Variants in TBC1D13 observed in about 807,000 individuals in gnomAD.
The protein encoded by TBC1D13 is TBC1 domain family member 13, also known as epididymis secretory sperm binding protein.
A neutral mutation model predicts 53.6 loss-of-function variants in TBC1D13; 40 were observed. The ratio of observed to expected loss-of-function variants is 0.75; its 90% CI spans 0.58 to 0.97. TBC1D13 has a LOEUF of 0.97. TBC1D13 is among the 50% of genes least tolerant of loss of function. The pLI is 0.00. For synonymous variants in TBC1D13, 182 were observed against 197.7 expected, an observed-to-expected ratio of 0.92 and a Z score of 0.67; for missense variants, 377 against 499.4, an observed-to-expected ratio of 0.75 and a Z score of 2.34.
At position 128,791,605 on chromosome 9, in the gene TBC1D13, C is replaced by T. The variant is rs1203438151; in HGVS notation, c.212C>T (p.Ala71Val). Residue 71 changes from alanine to valine, a missense_variant, in exon 5 of 12, where the codon GCC becomes GTC. Physicochemically the swap from Ala to Val is moderately conservative, Grantham distance 64. Transcript: ENST00000372648. ...CTTGTCTCCTGCAGGGAGCTGTATG[C>T]CCAGTTCCTGAGGGAAATGATCATC... ...SILAKQRELY[A>V]QFLREMIIQP... The T allele has an allele frequency of 1.2e-6, 2 of 1,614,122 alleles. No individual in the cohort carries two copies. Among genetic ancestry groups the T allele is most frequent in the East Asian group, 2.2e-5 (1 of 44,878 alleles).
At chr9:128,794,755 A>C (rs1303535978) in intron 6 of TBC1D13, among the ~76,000 whole-genome samples, 1 of 151,658 alleles carries the variant, frequency 6.6e-6, no homozygotes, top group African/African-American at 2.4e-5. Flanking sequence ...CATTACAGGC[A>C]TGAGACACCA....
At chr9:128,793,927 G>T (rs1459791123) in intron 6 of TBC1D13, among the ~76,000 whole-genome samples, 1 of 152,238 alleles carries the variant, frequency 6.6e-6, no homozygotes, top group Non-Finnish European at 1.5e-5. Context: ...AACAGTCTCT[G>T]CCTTCTGAGA....
chr9:128,795,273 C>T (rs1207263511), intron 6 of TBC1D13, among the ~76,000 whole-genome samples: 1 of 148,414 alleles, frequency 6.7e-6, no homozygotes, highest in Non-Finnish European at 1.5e-5. Flanking sequence ...GGCTGGAGTG[C>T]ACTGGCGCAA....
At chr9:128,806,197 C>T in intron 10 of TBC1D13, 57 bp from the exon 11 acceptor site, 1 of 1,611,610 alleles carries the variant, frequency 6.2e-7, no homozygotes, top group Non-Finnish European at 8.5e-7. Context: ...GAGGAGTGGG[C>T]AGGGCCTGCA....
Position 128,806,018 on chromosome 9 carries a change from A to T in TBC1D13, c.1078A>T (p.Met360Leu). Residue 360 changes from methionine to leucine, a missense_variant and splice_region_variant, in exon 10 of 12, where the codon ATG (methionine) becomes TTG (leucine). By Grantham distance (15) the Met-to-Leu change is conservative (BLOSUM62 2). Transcript: ENST00000372648. ...FLLLVCCAML[M>L]LIREQLLEGD... is the part of the protein sequence containing the mutation. Reference sequence around the variant, plus strand: ...CCTCCTCGTCTGCTGCGCCATGCTCATGTGAGTGCGGGCATGAGCTGTCAT... The same window carrying T: ...CCTCCTCGTCTGCTGCGCCATGCTCTTGTGAGTGCGGGCATGAGCTGTCAT... 6.2e-7 allele frequency: 1 copy of T among 1,613,800 alleles called. No individual in the cohort carries two copies. The highest frequency in any genetic ancestry group is 8.5e-7 in the Non-Finnish European group (1 of 1,179,878).
intron 7 of TBC1D13, among the ~76,000 whole-genome samples, chr9:128,799,052 G>A (rs1366443135): frequency 1.3e-5 from 2 of 152,216 alleles, no homozygotes; most frequent in African/African-American, 2.4e-5. Flanking sequence ...GGCAGGGGCA[G>A]ATATGGCCGA....
intron 6 of TBC1D13, among the ~76,000 whole-genome samples, chr9:128,793,978 A>G (rs1410415174): frequency 1.3e-5 from 2 of 152,236 alleles, no homozygotes; most frequent in Non-Finnish European, 2.9e-5. Flanking sequence ...AAACCTGGAA[A>G]CAGATATGTA....
At chr9:128,804,222 G>T in intron 9 of TBC1D13, 103 bp downstream of exon 9, 1 of 1,363,528 alleles carries the variant, frequency 7.3e-7, no homozygotes, top group East Asian at 2.4e-5. Flanking sequence ...GGGGTCAGAA[G>T]TAGCTGCTGC....
At position 128,805,840 on chromosome 9, in the gene TBC1D13, C is replaced by T. The variant is rs1410169148; in HGVS notation, c.919-19C>T. The T allele has an allele frequency of 2.5e-6, 4 of 1,610,564 alleles. No homozygotes were observed. The highest frequency in any genetic ancestry group is 3.4e-6 in the Non-Finnish European group (4 of 1,178,790). ...CCAACACAGAGTCATGCCCCCCACC[C>T]CCCACGCTGTCTCCCCAGCAAGAGC... On this transcript the variant is annotated intron_variant, in intron 9 of 11. Transcript: ENST00000372648.
At chr9:128,798,133 A>C (rs1445650046) in intron 7 of TBC1D13, among the ~76,000 whole-genome samples, 1 of 152,028 alleles carries the variant, frequency 6.6e-6, no homozygotes, top group Non-Finnish European at 1.5e-5. Context: ...GGTGCCTGTA[A>C]TCCCAGCTAC....
At position 128,788,351 on chromosome 9, in the gene TBC1D13, A is replaced by G. The variant is rs749820984; in HGVS notation, c.41A>G (p.Asp14Gly). The G allele has an allele frequency of 8.1e-6, 13 of 1,614,028 alleles. No individual in the cohort carries two copies. The African/African-American group carries it at 1.6e-4, about 20-fold the overall frequency. ...LHKSRIADFQDVLKEPSIALE... is the reference protein window; with the variant it reads ...LHKSRIADFQGVLKEPSIALE... Reference sequence around the variant, plus strand: ...CCTTCCAGAATTGCAGATTTCCAGGATGTCCTGAAGGAGCCCTCAATTGCA... The same window carrying G: ...CCTTCCAGAATTGCAGATTTCCAGGGTGTCCTGAAGGAGCCCTCAATTGCA... The change falls in exon 2 of 12, where the codon GAT (aspartate) becomes GGT (glycine). Residue 14 changes from aspartate (D) to glycine (G), a missense_variant. Transcript: ENST00000372648.
rs1829553331 is a variant in TBC1D13, at chr9:128,792,534, A to T, written c.343A>T (p.Lys115Ter). 6.2e-7 allele frequency: 1 copy of T among 1,614,016 alleles called. No homozygotes were observed. Among genetic ancestry groups the T allele is most frequent in the Admixed American group, 1.7e-5 (1 of 60,000 alleles). The change falls in exon 6 of 12, where the codon AAG becomes TAG. Residue 115 changes from lysine (K) to a stop codon, truncating the protein, a stop_gained. Transcript: ENST00000372648. LOFTEE classifies it high-confidence loss of function. ...TGACAGCCGGTGGAACACGTACTTC[A>T]AGGACAACGAGGTGCTGCTGCAGAT... is the stretch of plus-strand genomic sequence containing the variant. ...NPDSRWNTYF[K>*]DNEVLLQIDK...
chr9:128,800,156 G>A (rs1172793955), intron 7 of TBC1D13, among the ~76,000 whole-genome samples: 1 of 152,202 alleles, frequency 6.6e-6, no homozygotes, highest in African/African-American at 2.4e-5. Context: ...AGGACCCTAT[G>A]CTTCCAGGAT....
intron 1 of TBC1D13, 140 bp downstream of exon 1, chr9:128,787,516 C>T: frequency 1.1e-6 from 1 of 890,222 alleles, no homozygotes; most frequent in African/African-American, 1.7e-5. Flanking sequence ...CACCTTCTAA[C>T]CTCATTGCCT....
intron 2 of TBC1D13, chr9:128,789,812 T>TATATATATATATATATATATAA (rs11269563): frequency 1.5e-5 from 2 of 132,396 alleles, no homozygotes; most frequent in Admixed American, 7.6e-5. Flanking sequence ...TATATATATA[T>TATATATATATATATATATATAA]AATAATTCCA....
intron 7 of TBC1D13, among the ~76,000 whole-genome samples, chr9:128,798,985 A>C (rs1232236700): frequency 6.6e-6 from 1 of 152,200 alleles, no homozygotes; most frequent in African/African-American, 2.4e-5. Context: ...GAGTGCCAGG[A>C]TAACAGGCGT....
intron 11 of TBC1D13, 108 bp downstream of exon 11, chr9:128,806,419 G>T: frequency 3.0e-6 from 4 of 1,334,682 alleles, no homozygotes; most frequent in Non-Finnish European, 4.3e-6. Flanking sequence ...GCGGAGTGTA[G>T]TAGGGATTAA....
At chr9:128,796,092 A>G (rs6478850) in intron 6 of TBC1D13, among the ~76,000 whole-genome samples, 151,734 of 152,354 alleles carry the variant, frequency 1, 75,562 homozygotes, top group Middle Eastern at 1. Context: ...TGTTGTTGTT[A>G]TTATTATTTT....
chr9:128,803,929 T>G, intron 8 of TBC1D13, 27 bp from the exon 9 acceptor site: 1 of 1,611,240 alleles, frequency 6.2e-7, no homozygotes, highest in Admixed American at 1.7e-5. Flanking sequence ...AGTGCGCCAC[T>G]TCTGCCCCCA....
Sources: allele counts gnomAD v4.1 joint callset (sites outside exome capture counted in the v4.1 genomes callset), GRCh38; gene constraint gnomAD v4.1.1; transcripts MANE v1.5; gene names NCBI Gene and HGNC (gene_info 2026-07-23, HGNC 2026-07-21).